Variants in ASTN2 observed in about 807,000 individuals in gnomAD.
ASTN2 encodes astrotactin 2.
ASTN2 carries 54 observed loss-of-function variants against 139.8 expected under a neutral mutation model. That is an observed-to-expected ratio of 0.39 (90% CI 0.31 to 0.48). The LOEUF (loss-of-function observed/expected upper bound fraction) is 0.48, where lower values mean the gene tolerates loss of function less well. Ranked by LOEUF, ASTN2 falls within the 20% of genes least tolerant of loss-of-function variation. The pLI, the probability that ASTN2 is intolerant of heterozygous loss-of-function variation, is 0.95. For synonymous variants in ASTN2, 756 were observed against 719.5 expected (o/e 1.05, Z -0.81); for missense variants, 1,565 against 1,725.1 (o/e 0.91, Z 1.64).
intron 20 of ASTN2, among the ~76,000 whole-genome samples, chr9:116,457,948 C>A (rs982626091): frequency 1.3e-5 from 2 of 151,900 alleles, no homozygotes; most frequent in Non-Finnish European, 2.9e-5. Flanking sequence ...TGGAAACAAC[C>A]TGTGTCCATC....
intron 11 of ASTN2, among the ~76,000 whole-genome samples, chr9:116,831,147 A>G (rs1293449759): frequency 6.6e-6 from 1 of 152,200 alleles, no homozygotes; most frequent in African/African-American, 2.4e-5. Flanking sequence ...AACAATCGGT[A>G]CACCTGCACG....
chr9:117,346,757 T>C (rs1829232351), intron 1 of ASTN2, among the ~76,000 whole-genome samples: 1 of 152,164 alleles, frequency 6.6e-6, no homozygotes, highest in Non-Finnish European at 1.5e-5. Flanking sequence ...GTGATACATA[T>C]GATACATGGG....
At chr9:117,353,399 A>C (rs1829445686) in intron 1 of ASTN2, among the ~76,000 whole-genome samples, 1 of 152,182 alleles carries the variant, frequency 6.6e-6, no homozygotes, top group Non-Finnish European at 1.5e-5. Flanking sequence ...AGGGCTACTG[A>C]GCACTTGAAA....
intron 10 of ASTN2, among the ~76,000 whole-genome samples, chr9:116,942,958 C>T (rs10125835): frequency 0.029 from 4,353 of 152,272 alleles, 239 homozygotes; most frequent in African/African-American, 0.1. Context: ...TTCACATCCT[C>T]TTCTGGATGG....
chr9:116,757,103 A>T (rs1206513275), intron 13 of ASTN2, among the ~76,000 whole-genome samples: 1 of 152,052 alleles, frequency 6.6e-6, no homozygotes, highest in Non-Finnish European at 1.5e-5. Context: ...TCCTTTCCTC[A>T]GGGCAGCTCC....
At chr9:116,741,421 A>C (rs746233822) in intron 13 of ASTN2, among the ~76,000 whole-genome samples, 1 of 152,158 alleles carries the variant, frequency 6.6e-6, no homozygotes, top group Non-Finnish European at 1.5e-5. Flanking sequence ...TAAGCCTCAA[A>C]AAAGGTTGCC....
At chr9:116,789,198 C>A (rs1041009027) in intron 13 of ASTN2, among the ~76,000 whole-genome samples, 5 of 152,160 alleles carry the variant, frequency 3.3e-5, no homozygotes, top group African/African-American at 1.2e-4. Context: ...TCTTTCTTTC[C>A]TCCTACACTA....
Position 117,189,503 on chromosome 9 carries a change from C to T in ASTN2, c.1015+24855G>A, listed in dbSNP as rs540077669. ...GTAACTTCAGATACCTCTCTCCCCT[C>T]CCTGGGTCTCTGTTGAATGAAATGA... On this transcript the variant is annotated intron_variant, in intron 3 of 22. Coordinates refer to ENST00000313400, the MANE Select transcript of ASTN2 (RefSeq NM_001365068.1). Among the ~76,000 whole-genome samples, 28 of 152,296 alleles carry T rather than the reference C, an allele frequency of 1.8e-4. No individual in the cohort carries two copies. In the East Asian group the frequency reaches 5.4e-3, roughly 29 times the overall value.
rs1829832764 is a variant in ASTN2, at chr9:117,131,729, C to A, written c.1168+9597G>T. ...AGATAATGTTTAACTCAACCAATTG[C>A]CAATCAGAAAATCTTTTAATCCACC... is the stretch of plus-strand genomic sequence containing the variant. On this transcript the variant is annotated intron_variant, in intron 4 of 22. Coordinates refer to ENST00000313400, the MANE Select transcript of ASTN2 (RefSeq NM_001365068.1). Among the ~76,000 whole-genome samples the A allele has an allele frequency of 1.3e-5, 2 of 152,182 alleles. 1 individual carries two copies. Among genetic ancestry groups the A allele is most frequent in the Non-Finnish European group, 2.9e-5 (2 of 68,042 alleles).
At chr9:116,686,826 C>G in intron 16 of ASTN2, 1 of 1,550,398 alleles carries the variant, frequency 6.4e-7, no homozygotes, top group Non-Finnish European at 8.7e-7. Flanking sequence ...GTCTCTAGTG[C>G]AGCTCTCTGT....
At chr9:116,840,528 T>TTCCC (rs1588341608) in intron 11 of ASTN2, among the ~76,000 whole-genome samples, 2 of 7,308 alleles carry the variant, frequency 2.7e-4, no homozygotes, top group African/African-American at 5.5e-4. Context: ...ACCTCCCTCC[T>TTCCC]GGACGGGGCG....
At chr9:116,436,815 T>A (rs919914293) in intron 22 of ASTN2, among the ~76,000 whole-genome samples, 1 of 151,762 alleles carries the variant, frequency 6.6e-6, no homozygotes, top group Non-Finnish European at 1.5e-5. Context: ...AACCCAAATG[T>A]CCAACAATGA....
Position 116,440,701 on chromosome 9 carries a change from G to A in ASTN2, c.3690C>T (p.Ala1230=). ...GGTGCTGGACTCGGAACAGCATCGA[G>A]GCTGAGACCTCCATCAGTGTGTTGT... ...MAYNTLMEVS[A]SMLFRVQHHY... is the part of the protein sequence containing the mutation. Residue 1230 remains alanine (A), a synonymous_variant, in exon 22 of 23, where the codon GCC becomes GCT. Transcript: ENST00000313400. The A allele has an allele frequency of 1.9e-6, 3 of 1,614,168 alleles. No homozygotes were observed. Among genetic ancestry groups the A allele is most frequent in the Non-Finnish European group, 2.5e-6 (3 of 1,180,026 alleles).
intron 2 of ASTN2, among the ~76,000 whole-genome samples, chr9:117,226,342 C>T (rs572012842): frequency 7.2e-4 from 109 of 152,294 alleles, no homozygotes; most frequent in African/African-American, 2.6e-3. Flanking sequence ...TGATCCTCAT[C>T]TTTCTCATCT....
chr9:117,050,309 A>G (rs1241051307), intron 5 of ASTN2, among the ~76,000 whole-genome samples: 1 of 152,154 alleles, frequency 6.6e-6, no homozygotes, highest in Non-Finnish European at 1.5e-5. Context: ...TCCCTGTTCC[A>G]TTATCTTGGA....
intron 11 of ASTN2, among the ~76,000 whole-genome samples, chr9:116,841,520 A>G (rs994436065): frequency 1.3e-5 from 2 of 152,156 alleles, no homozygotes; most frequent in African/African-American, 4.8e-5. Context: ...AATTACAGGT[A>G]TGAGCCACCA....
intron 1 of ASTN2, among the ~76,000 whole-genome samples, chr9:117,329,764 T>C (rs1034957918): frequency 6.6e-6 from 1 of 152,190 alleles, no homozygotes; most frequent in Non-Finnish European, 1.5e-5. Context: ...CCAGAAAAGA[T>C]AGACGACTGT....
At chr9:117,122,079 G>A (rs1001700658) in intron 4 of ASTN2, among the ~76,000 whole-genome samples, 6 of 152,182 alleles carry the variant, frequency 3.9e-5, no homozygotes, top group Non-Finnish European at 8.8e-5. Flanking sequence ...ATACTGTGTG[G>A]ATTGCAAGTT....
intron 3 of ASTN2, among the ~76,000 whole-genome samples, chr9:117,206,526 C>T (rs1228933364): frequency 1.3e-5 from 2 of 152,144 alleles, no homozygotes; most frequent in Non-Finnish European, 2.9e-5. Flanking sequence ...CGGTACACAC[C>T]TCATGAGTGT....
Sources: allele counts gnomAD v4.1 joint callset (sites outside exome capture counted in the v4.1 genomes callset), GRCh38; gene constraint gnomAD v4.1.1; transcripts MANE v1.5; gene names NCBI Gene and HGNC (gene_info 2026-07-23, HGNC 2026-07-21).